Variants in SNX29 observed in about 807,000 individuals in gnomAD.
SNX29 encodes sorting nexin 29.
Under a neutral mutation model 102.1 loss-of-function variants are expected in SNX29, and 78 were observed. The ratio of observed to expected loss-of-function variants is 0.76; its 90% confidence interval spans 0.64 to 0.92. The LOEUF is 0.92. Among genes scored for constraint, SNX29 ranks in the 40% least tolerant of loss-of-function variants. The pLI is 0.00. For missense variants in SNX29, 1,280 were observed against 1,061.7 expected, an observed-to-expected ratio of 1.21 and a Z score of -2.86; for synonymous variants, 580 against 414.5, an observed-to-expected ratio of 1.40 and a Z score of -4.85.
Position 12,570,289 on chromosome 16 carries a change from C to G in SNX29, c.*1660C>G, listed in dbSNP as rs570319830. ...AGGTGCGGACCCTGCAGTCAGTTTG[C>G]GAGTGTGGAGGACCCGAGACATCCT... On this transcript the variant is annotated 3_prime_UTR_variant, in exon 21 of 21. Coordinates refer to ENST00000566228, the MANE Select transcript of SNX29 (RefSeq NM_032167.5). The G allele has an allele frequency of 1.1e-4, 118 of 1,057,658 alleles. No individual in the cohort carries two copies. In the African/African-American group the frequency reaches 1.8e-3, roughly 16 times the overall value. 65.5% of individuals were successfully genotyped at this position (1,057,658 alleles called of 1,614,324 possible). A position where few individuals can be genotyped will look rare whatever the true frequency, so the allele number is the denominator to read the frequency against.
At chr16:11,999,823 C>T (rs1173370538) in intron 2 of SNX29, among the ~76,000 whole-genome samples, 1 of 151,894 alleles carries the variant, frequency 6.6e-6, no homozygotes, top group Admixed American at 6.6e-5. Context: ...ATTGCTTGAA[C>T]CTGGTAGGTG....
chr16:12,294,724 C>T lies in SNX29; in HGVS notation c.1782+16688C>T, dbSNP rs531358722. On this transcript the variant is annotated intron_variant, in intron 15 of 20. Transcript: ENST00000566228. ...GTCCCCAGGCTGGCTCCTTGCCTCC[C>T]TACTGGCTGTCTGTCACTTGGCTGA... Among the ~76,000 whole-genome samples, 4 of 152,312 alleles carry T rather than the reference C, an allele frequency of 2.6e-5. No homozygotes were observed. The South Asian group carries it at 8.3e-4, about 32-fold the overall frequency.
At chr16:12,100,016 T>C (rs865780244) in intron 11 of SNX29, among the ~76,000 whole-genome samples, 24 of 152,308 alleles carry the variant, frequency 1.6e-4, no homozygotes, top group Middle Eastern at 6.8e-3. Context: ...GCTACTGTTA[T>C]CGCCTCTCTC....
chr16:12,513,188 C>T (rs958648685), intron 19 of SNX29, among the ~76,000 whole-genome samples: 3 of 151,416 alleles, frequency 2.0e-5, no homozygotes, highest in African/African-American at 7.3e-5. Flanking sequence ...CATACCTTTC[C>T]TCCCTCTCCC....
intron 14 of SNX29, among the ~76,000 whole-genome samples, chr16:12,270,903 C>T (rs1360022106): frequency 2.0e-5 from 3 of 151,948 alleles, no homozygotes; most frequent in Non-Finnish European, 4.4e-5. Context: ...ATTAGCTGGG[C>T]GTGGTGGTGT....
chr16:12,427,447 T>C (rs1316081739), intron 18 of SNX29, among the ~76,000 whole-genome samples: 1 of 152,250 alleles, frequency 6.6e-6, no homozygotes, highest in African/African-American at 2.4e-5. Context: ...GTTTTTCTTT[T>C]TTTTATTTAT....
In SNX29 at chr16:12,165,194, T is replaced by C. The variant is rs141294978; in HGVS notation, c.1596-34407T>C. 2.4e-3 allele frequency among the ~76,000 whole-genome samples: 368 copies of C among 152,344 alleles called. 1 individual carries two copies. Among genetic ancestry groups the C allele is most frequent in the African/African-American group, 8.5e-3 (352 of 41,572 alleles). ...GAAGTGAGTATAAATCGAGTAGGCC[T>C]GTGTTTTTGCTTTGGAATCTCTGTT... On this transcript the variant is annotated intron_variant, in intron 13 of 20. Coordinates refer to ENST00000566228, the MANE Select transcript of SNX29 (RefSeq NM_032167.5).
intron 14 of SNX29, among the ~76,000 whole-genome samples, chr16:12,255,371 T>C (rs901080252): frequency 6.6e-6 from 1 of 152,040 alleles, no homozygotes; most frequent in African/African-American, 2.4e-5. Flanking sequence ...AATTTTTTTT[T>C]AGTAGAGACA....
At chr16:12,202,247 T>C (rs752904869) in intron 14 of SNX29, among the ~76,000 whole-genome samples, 4 of 151,794 alleles carry the variant, frequency 2.6e-5, no homozygotes, top group Non-Finnish European at 5.9e-5. Flanking sequence ...ATTCCCACCC[T>C]TTTTTTTCTC....
chr16:12,499,511 C>T (rs1348535850), intron 19 of SNX29, among the ~76,000 whole-genome samples: 6 of 152,194 alleles, frequency 3.9e-5, no homozygotes, highest in Non-Finnish European at 8.8e-5. Flanking sequence ...CTGCACTGGT[C>T]AGCACCAAAG....
intron 1 of SNX29, chr16:11,977,813 G>A (rs984678985): frequency 3.3e-5 from 5 of 152,372 alleles, no homozygotes; most frequent in African/African-American, 1.2e-4. Flanking sequence ...TGTGGAGATG[G>A]GAGTGACTCA....
intron 18 of SNX29, among the ~76,000 whole-genome samples, chr16:12,459,215 T>C (rs997528378): frequency 1.0e-4 from 15 of 146,910 alleles, no homozygotes; most frequent in Admixed American, 8.8e-4. Context: ...GTCTCTGTAC[T>C]GTGTTCTCTA....
intron 19 of SNX29, among the ~76,000 whole-genome samples, chr16:12,520,287 A>G (rs2090047914): frequency 6.6e-6 from 1 of 152,218 alleles, no homozygotes; most frequent in African/African-American, 2.4e-5. Flanking sequence ...CCTAAAGCCA[A>G]CCTGGAAGTA....
intron 1 of SNX29, among the ~76,000 whole-genome samples, chr16:11,993,462 C>G (rs752238925): frequency 2.0e-5 from 3 of 152,094 alleles, no homozygotes; most frequent in Non-Finnish European, 4.4e-5. Context: ...AGCCAGAGGT[C>G]TTGATACCTT....
chr16:12,180,319 T>G (rs1342783792), intron 13 of SNX29, among the ~76,000 whole-genome samples: 1 of 152,210 alleles, frequency 6.6e-6, no homozygotes, highest in African/African-American at 2.4e-5. Context: ...TGGCGTACGT[T>G]GTTCTTTTAT....
chr16:12,225,418 T>C (rs116241556), intron 14 of SNX29, among the ~76,000 whole-genome samples: 157 of 152,296 alleles, frequency 1.0e-3, no homozygotes, highest in African/African-American at 3.7e-3. Flanking sequence ...CTTCTCATGA[T>C]GGTGAATAAG....
At chr16:12,533,672 C>G (rs2076991980) in intron 20 of SNX29, among the ~76,000 whole-genome samples, 1 of 152,158 alleles carries the variant, frequency 6.6e-6, no homozygotes, top group African/African-American at 2.4e-5. Flanking sequence ...TCAATAGGCA[C>G]CCCAAATTTA....
rs558511222 is a variant in SNX29 at position 12,385,447 on chromosome 16, G to T, written c.1900-12999G>T. Among the ~76,000 whole-genome samples the T allele has an allele frequency of 3.9e-5, 6 of 152,256 alleles. No individual in the cohort carries two copies. In the South Asian group the frequency reaches 1.2e-3, roughly 32 times the overall value. On this transcript the variant is annotated intron_variant, in intron 16 of 20. Transcript: ENST00000566228. Reference sequence around the variant, plus strand: ...GGCGGTGGAATTCACATTGTGTCCCGCAGGGCTCTAGGGCTCTGAGAAGAG... The same window carrying T: ...GGCGGTGGAATTCACATTGTGTCCCTCAGGGCTCTAGGGCTCTGAGAAGAG...
At chr16:12,539,928 A>G (rs555109130) in intron 20 of SNX29, among the ~76,000 whole-genome samples, 14 of 152,130 alleles carry the variant, frequency 9.2e-5, no homozygotes, top group Non-Finnish European at 1.5e-5. Context: ...AGTTCTTTGT[A>G]TATGTTAGAT....
Sources: gnomAD v4.1 joint callset for allele counts (sites outside exome capture counted in the v4.1 genomes callset) on GRCh38, gnomAD v4.1.1 for gene constraint, MANE v1.5 for transcripts, NCBI Gene and HGNC (gene_info 2026-07-23, HGNC 2026-07-21) for gene names.